Variants in CC2D2A observed in about 807,000 individuals in gnomAD.
CC2D2A encodes the protein coiled-coil and C2 domain containing 2A, also known as coiled-coil and C2 domain-containing protein 2A.
A neutral mutation model predicts 212.9 loss-of-function variants in CC2D2A; 155 were observed. The observed-to-expected ratio is 0.73, with a 90% CI of 0.64 to 0.83. CC2D2A has a LOEUF of 0.83. Ranked by LOEUF, CC2D2A falls within the 40% of genes least tolerant of loss-of-function variation. CC2D2A has a pLI of 0.00. For synonymous variants in CC2D2A, 667 were observed against 686.5 expected, an observed-to-expected ratio of 0.97 and a Z score of 0.44; for missense variants, 1,856 against 1,956.2, an observed-to-expected ratio of 0.95 and a Z score of 0.97.
chr4:15,531,956 C>CG, intron 13 of CC2D2A, among the ~76,000 whole-genome samples: 1 of 152,152 alleles, frequency 6.6e-6, no homozygotes, highest in East Asian at 1.9e-4. Flanking sequence ...TACTTGGTAT[C>CG]GGGCAAGGTT....
chr4:15,544,443 C>A (rs111530831), intron 17 of CC2D2A, among the ~76,000 whole-genome samples: 1 of 152,060 alleles, frequency 6.6e-6, no homozygotes, highest in South Asian at 2.1e-4. Context: ...ATGAGAAGAC[C>A]GGATAGAGAG....
chr4:15,597,536 C>G, intron 35 of CC2D2A, 71 bp downstream of exon 35: 1 of 1,176,326 alleles, frequency 8.5e-7, no homozygotes, highest in Non-Finnish European at 1.2e-6. Flanking sequence ...AAACCACTGT[C>G]AGCCTGGATG....
chr4:15,586,923 CAA>C (rs1720878066), intron 31 of CC2D2A, among the ~76,000 whole-genome samples: 1 of 152,056 alleles, frequency 6.6e-6, no homozygotes, highest in Non-Finnish European at 1.5e-5. Flanking sequence ...TTTTGTTCCC[CAA>C]TACATTTTGG....
Position 15,530,113 on chromosome 4 carries a change from A to G in CC2D2A, c.1466+1387A>G, listed in dbSNP as rs867018175. Reference sequence around the variant, plus strand: ...CAGCCTCCCGAGTAGCTGGGACTACAGGCGCCCGCCACTACGCCAGGCTAA... The same window carrying G: ...CAGCCTCCCGAGTAGCTGGGACTACGGGCGCCCGCCACTACGCCAGGCTAA... On this transcript the variant is annotated intron_variant, in intron 13 of 36. Transcript: ENST00000424120. Among the ~76,000 whole-genome samples the G allele has an allele frequency of 8.8e-3, 1,330 of 151,350 alleles. 15 individuals carry two copies. Among genetic ancestry groups the G allele is most frequent in the African/African-American group, 0.03 (1,258 of 41,418 alleles).
intron 4 of CC2D2A, among the ~76,000 whole-genome samples, chr4:15,494,280 G>A (rs937847137): frequency 6.6e-6 from 1 of 152,196 alleles, no homozygotes; most frequent in Non-Finnish European, 1.5e-5. Context: ...ACTGGGCAGG[G>A]CCAGGATCCC....
At chr4:15,564,561 T>C (rs1719794539) in intron 24 of CC2D2A, among the ~76,000 whole-genome samples, 1 of 152,224 alleles carries the variant, frequency 6.6e-6, no homozygotes, top group Non-Finnish European at 1.5e-5. Flanking sequence ...GCTAAGGTCA[T>C]TCAGCCCTAA....
chr4:15,561,159 G>T (rs1375016241), intron 23 of CC2D2A, among the ~76,000 whole-genome samples: 5 of 152,178 alleles, frequency 3.3e-5, no homozygotes, highest in Admixed American at 1.3e-4. Context: ...ATTGGGAATT[G>T]ACTGTATTTG....
intron 1 of CC2D2A, chr4:15,473,300 T>C (rs1210641379): frequency 2.0e-5 from 3 of 152,126 alleles, no homozygotes; most frequent in Admixed American, 6.6e-5. Flanking sequence ...GAAAAAATCA[T>C]TGTAAGGTAG....
Position 15,589,784 on chromosome 4 carries a change from A to AAT in CC2D2A, c.4314+119_4314+120dup, listed in dbSNP as rs33940641. The AAT allele has an allele frequency of 0.3, 86,562 of 285,378 alleles. 11,823 individuals carry two copies. The highest frequency in any genetic ancestry group is 0.38 in the African/African-American group (16,851 of 44,140). The allele number at this position is 285,378 out of a possible 1,614,324, so 17.7% of individuals were successfully genotyped here. ...TGTAACCAAAATATTTATATAAATG[A>AAT]ATATATATATATATACACACATATA... On this transcript the variant is annotated intron_variant, in intron 33 of 36. Coordinates refer to ENST00000424120, the MANE Select transcript of CC2D2A (RefSeq NM_001378615.1).
intron 4 of CC2D2A, among the ~76,000 whole-genome samples, chr4:15,498,715 C>G (rs1158259623): frequency 2.6e-5 from 4 of 152,296 alleles, no homozygotes; most frequent in Middle Eastern, 3.4e-3. Flanking sequence ...GCTATGATGT[C>G]AAAGGGAGGG....
intron 17 of CC2D2A, among the ~76,000 whole-genome samples, chr4:15,547,429 C>A (rs777942164): frequency 6.1e-4 from 93 of 152,262 alleles, no homozygotes; most frequent in Admixed American, 1.3e-3. Flanking sequence ...TATTTCTATA[C>A]CATTAACGAA....
intron 22 of CC2D2A, among the ~76,000 whole-genome samples, chr4:15,560,051 C>T (rs931282059): frequency 1.3e-5 from 2 of 151,430 alleles, no homozygotes; most frequent in African/African-American, 4.9e-5. Flanking sequence ...AGGCTAGTCT[C>T]GAACTCCTGA....
At chr4:15,563,629 C>A in intron 24 of CC2D2A, 107 bp downstream of exon 24, 2 of 1,264,480 alleles carry the variant, frequency 1.6e-6, no homozygotes, top group Non-Finnish European at 1.1e-6. Context: ...TATTGTTCAG[C>A]AGGGGACTGA....
At chr4:15,476,067 C>G in intron 2 of CC2D2A, 96 bp downstream of exon 2, 1 of 975,198 alleles carries the variant, frequency 1.0e-6, no homozygotes, top group Non-Finnish European at 1.6e-6. Context: ...CAACCAGCAT[C>G]TATTGCACAT....
chr4:15,569,074 AG>A (rs1720034075), intron 26 of CC2D2A, among the ~76,000 whole-genome samples: 1 of 152,206 alleles, frequency 6.6e-6, no homozygotes, highest in Admixed American at 6.5e-5. Context: ...AAGCCAGCAG[AG>A]GGTTTGTCTC....
chr4:15,474,406 T>C (rs1430622429), intron 1 of CC2D2A, among the ~76,000 whole-genome samples: 2 of 151,736 alleles, frequency 1.3e-5, no homozygotes, highest in Non-Finnish European at 2.9e-5. Context: ...ATTGAACTCA[T>C]GGAGATAGAG....
intron 17 of CC2D2A, among the ~76,000 whole-genome samples, chr4:15,547,685 T>C (rs901686778): frequency 6.6e-6 from 1 of 152,186 alleles, no homozygotes; most frequent in African/African-American, 2.4e-5. Context: ...TATAAATACC[T>C]ACTTAAAGCC....
intron 8 of CC2D2A, among the ~76,000 whole-genome samples, chr4:15,512,143 A>G (rs539450973): frequency 1.3e-5 from 2 of 152,346 alleles, no homozygotes; most frequent in South Asian, 2.1e-4. Flanking sequence ...TGTGAAAAAC[A>G]GTATGGTGGT....
At chr4:15,600,466 T>TTACAGAATTCACATCTGCGCACA (rs1721533852) in intron 36 of CC2D2A, among the ~76,000 whole-genome samples, 1 of 152,282 alleles carries the variant, frequency 6.6e-6, no homozygotes, top group African/African-American at 2.4e-5. Context: ...GCTGGAACAC[T>TTACAGAATTCACATCTGCGCACA]TACAGAATTC....
Sources: allele counts gnomAD v4.1 joint callset (sites outside exome capture counted in the v4.1 genomes callset), GRCh38; gene constraint gnomAD v4.1.1; transcripts MANE v1.5; gene names NCBI Gene and HGNC (gene_info 2026-07-23, HGNC 2026-07-21).